The following FCHSD2 variants were observed in gnomAD, a reference collection of about 807,000 sequenced individuals.
FCHSD2 encodes FCH and double SH3 domains 2, also known as F-BAR and double SH3 domains protein 2.
In FCHSD2, 38 loss-of-function variants were observed where a neutral mutation model predicts 108.1. That is an observed-to-expected ratio of 0.35 (90% CI 0.27 to 0.46). FCHSD2 has a LOEUF of 0.46. Ranked by LOEUF, FCHSD2 falls within the 20% of genes least tolerant of loss-of-function variation. The pLI is 1.00. For missense variants in FCHSD2, 751 were observed against 897.8 expected (o/e 0.84, Z 2.09); for synonymous variants, 279 against 314.7 (o/e 0.89, Z 1.20).
intron 2 of FCHSD2, among the ~76,000 whole-genome samples, chr11:73,116,667 C>T (rs1452728343): frequency 1.3e-5 from 2 of 152,026 alleles, no homozygotes; most frequent in African/African-American, 2.4e-5. Context: ...TCCCAAGTAG[C>T]GGGGACTACA....
intron 3 of FCHSD2, among the ~76,000 whole-genome samples, chr11:73,052,523 G>A (rs1858924814): frequency 6.6e-6 from 1 of 152,166 alleles, no homozygotes; most frequent in Non-Finnish European, 1.5e-5. Flanking sequence ...TTCACTGAGA[G>A]AGGATATGAA....
intron 8 of FCHSD2, among the ~76,000 whole-genome samples, chr11:72,951,401 G>A (rs55949049): frequency 0.024 from 3,672 of 152,268 alleles, 146 homozygotes; most frequent in African/African-American, 0.085. Flanking sequence ...CACAGCAAAC[G>A]AGAGCGACAG....
chr11:73,075,222 A>C (rs2135504563), intron 3 of FCHSD2, among the ~76,000 whole-genome samples: 1 of 152,340 alleles, frequency 6.6e-6, no homozygotes, highest in African/African-American at 2.4e-5. Context: ...AAATTGCAAT[A>C]ATCACCTGAG....
At chr11:72,989,141 G>T (rs894265754) in intron 5 of FCHSD2, 44 bp from the exon 6 acceptor site, 2 of 1,539,000 alleles carry the variant, frequency 1.3e-6, no homozygotes, top group Non-Finnish European at 1.8e-6. Context: ...TAGTTTTCAG[G>T]CTTACAGAAA....
At position 72,945,558 on chromosome 11, in the gene FCHSD2, T is replaced by C. The variant is rs1475535246; in HGVS notation, c.706-23608A>G. On this transcript the variant is annotated intron_variant, in intron 8 of 19. Coordinates refer to ENST00000409418, the MANE Select transcript of FCHSD2 (RefSeq NM_014824.3). ...GCCAAAATTGACAAATGGGATCTAA[T>C]TAAACTAAAGAGCTTCTGCACAGCA... is the stretch of plus-strand genomic sequence containing the variant. 5.9e-5 allele frequency among the ~76,000 whole-genome samples: 9 copies of C among 152,218 alleles called. No homozygotes were observed. In the South Asian group the frequency reaches 1.4e-3, roughly 25 times the overall value.
At chr11:73,059,526 TCTAA>T (rs1215702063) in intron 3 of FCHSD2, among the ~76,000 whole-genome samples, 1 of 152,156 alleles carries the variant, frequency 6.6e-6, no homozygotes, top group Non-Finnish European at 1.5e-5. Flanking sequence ...TACCCTTCAC[TCTAA>T]CTTCTTCTGC....
At chr11:72,928,511 TA>T (rs959157430) in intron 8 of FCHSD2, among the ~76,000 whole-genome samples, 25 of 152,314 alleles carry the variant, frequency 1.6e-4, no homozygotes, top group African/African-American at 5.1e-4. Flanking sequence ...CTTAAATACT[TA>T]AATGATAATG....
At chr11:72,877,092 C>T (rs1854986738) in intron 12 of FCHSD2, among the ~76,000 whole-genome samples, 1 of 151,956 alleles carries the variant, frequency 6.6e-6, no homozygotes, top group South Asian at 2.1e-4. Flanking sequence ...CCTCATCCTC[C>T]TACCTCACCT....
At chr11:73,075,642 C>G (rs773627675) in intron 3 of FCHSD2, among the ~76,000 whole-genome samples, 2 of 151,610 alleles carry the variant, frequency 1.3e-5, no homozygotes, top group Non-Finnish European at 2.9e-5. Flanking sequence ...ATAGCAAAAC[C>G]CATCTCTACT....
At chr11:72,956,256 T>G (rs936530845) in intron 8 of FCHSD2, among the ~76,000 whole-genome samples, 1 of 152,186 alleles carries the variant, frequency 6.6e-6, no homozygotes, top group Admixed American at 6.5e-5. Context: ...ACTTCTTCCT[T>G]CCATTAGAAT....
chr11:72,869,061 C>T (rs1854793134), intron 12 of FCHSD2, among the ~76,000 whole-genome samples: 1 of 152,010 alleles, frequency 6.6e-6, no homozygotes, highest in Non-Finnish European at 1.5e-5. Flanking sequence ...TGTGTACCAC[C>T]ACACCCGGCT....
At chr11:73,021,803 A>G (rs377519029) in intron 3 of FCHSD2, among the ~76,000 whole-genome samples, 26 of 152,248 alleles carry the variant, frequency 1.7e-4, no homozygotes, top group African/African-American at 5.3e-4. Flanking sequence ...ATATACAAAA[A>G]ACTGGCTGGG....
intron 5 of FCHSD2, among the ~76,000 whole-genome samples, chr11:72,990,230 T>C (rs1462965155): frequency 6.6e-6 from 1 of 152,222 alleles, no homozygotes; most frequent in Non-Finnish European, 1.5e-5. Context: ...TTTGCTTAAC[T>C]TTCTAGATCT....
chr11:73,034,490 C>T (rs150180023), intron 3 of FCHSD2, among the ~76,000 whole-genome samples: 2 of 152,252 alleles, frequency 1.3e-5, no homozygotes, highest in African/African-American at 2.4e-5. Context: ...TGTTAAAATT[C>T]GGTACCAGAG....
At chr11:73,031,089 A>G (rs536489058) in intron 3 of FCHSD2, among the ~76,000 whole-genome samples, 5 of 152,320 alleles carry the variant, frequency 3.3e-5, no homozygotes, top group African/African-American at 1.2e-4. Context: ...GGGTTCATCC[A>G]GAATATGTTA....
chr11:73,111,828 TG>T (rs1311479651), intron 2 of FCHSD2, among the ~76,000 whole-genome samples: 1 of 152,164 alleles, frequency 6.6e-6, no homozygotes, highest in Non-Finnish European at 1.5e-5. Flanking sequence ...TATTTTAAAC[TG>T]ATGACAACAC....
chr11:72,946,120 A>G (rs898875966), intron 8 of FCHSD2, among the ~76,000 whole-genome samples: 57 of 152,148 alleles, frequency 3.7e-4, no homozygotes, highest in African/African-American at 1.3e-3. Context: ...GGCACTATTC[A>G]AAATAGGAAA....
intron 10 of FCHSD2, among the ~76,000 whole-genome samples, chr11:72,897,165 C>T (rs926190976): frequency 1.3e-5 from 2 of 152,258 alleles, no homozygotes; most frequent in East Asian, 1.9e-4. Flanking sequence ...AGTCAGTTAA[C>T]ATCTATTCTG....
At chr11:73,122,743 C>T (rs1242089408) in intron 2 of FCHSD2, among the ~76,000 whole-genome samples, 1 of 152,130 alleles carries the variant, frequency 6.6e-6, no homozygotes, top group Non-Finnish European at 1.5e-5. Flanking sequence ...GAAAAAAAGT[C>T]TCTATTGGAC....
Sources: allele counts gnomAD v4.1 joint callset (sites outside exome capture counted in the v4.1 genomes callset), GRCh38; gene constraint gnomAD v4.1.1; transcripts MANE v1.5; gene names NCBI Gene and HGNC (gene_info 2026-07-23, HGNC 2026-07-21).